The following MRTO4 variants were observed in gnomAD, a reference collection of about 807,000 sequenced individuals.
The protein encoded by MRTO4 is MRT4 homolog, ribosome maturation factor.
A neutral mutation model predicts 28.6 loss-of-function variants in MRTO4; 7 were observed. The ratio of observed to expected loss-of-function variants is 0.24; its 90% CI spans 0.14 to 0.46. MRTO4 has a LOEUF of 0.46. Ranked by LOEUF, MRTO4 falls within the 20% of genes least tolerant of loss-of-function variation. The probability of loss-of-function intolerance (pLI) is 0.99; values close to 1 mark genes in which losing one functional copy is unlikely to be tolerated. For synonymous variants in MRTO4, 113 were observed against 108.2 expected (o/e 1.04, Z -0.27); for missense variants, 302 against 298.3 (o/e 1.01, Z -0.09).
rs1014661290 is a variant in MRTO4 at position 19,255,845 on chromosome 1, A to G, written c.88-103A>G. On this transcript the variant is annotated intron_variant, in intron 2 of 7. Coordinates refer to ENST00000330263, the MANE Select transcript of MRTO4 (RefSeq NM_016183.4). ...GAGGCCTCCAGTTCTTCCAGTTTCC[A>G]TAGTTGTCAGGGGCCCAGAGCAGAT... 8.5e-6 allele frequency: 8 copies of G among 942,032 alleles called. No homozygotes were observed. The African/African-American group carries it at 9.8e-5, about 12-fold the overall frequency. The allele number at this position is 942,032 out of a possible 1,614,324, so 58.4% of individuals were successfully genotyped here. A position where few individuals can be genotyped will look rare whatever the true frequency, so the allele number is the denominator to read the frequency against.
intron 2 of MRTO4, among the ~76,000 whole-genome samples, chr1:19,255,403 TAAA>T (rs5772837): frequency 5.9e-4 from 86 of 146,464 alleles, no homozygotes; most frequent in Middle Eastern, 7.2e-3. Flanking sequence ...ACCCTGTCTT[TAAA>T]AAAAAAAAAA....
chr1:19,253,350 T>C (rs1007930807), intron 1 of MRTO4, among the ~76,000 whole-genome samples: 2 of 152,152 alleles, frequency 1.3e-5, no homozygotes, highest in Non-Finnish European at 2.9e-5. Context: ...ATGACGTGTT[T>C]GGGACAAGAG....
chr1:19,251,822 G>A lies in MRTO4; in HGVS notation c.-14G>A, dbSNP rs1222091269. On this transcript the variant is annotated 5_prime_UTR_variant, in exon 1 of 8. It adds an upstream start codon to the 5' untranslated region. Transcript: ENST00000330263. ...CGGGGTGCACCGTCTTCCGCCGCAC[G>A]TGGATTCAGCGCGATGCCCAAATCC... The A allele has an allele frequency of 1.3e-6, 2 of 1,574,086 alleles. No homozygotes were observed. Among genetic ancestry groups the A allele is most frequent in the Admixed American group, 1.8e-5 (1 of 54,098 alleles).
At chr1:19,252,099 C>T (rs919354760) in intron 1 of MRTO4, 10 of 576,536 alleles carry the variant, frequency 1.7e-5, no homozygotes, top group African/African-American at 5.8e-5. Context: ...TTCAGGTGCT[C>T]TTGCAAGGCC....
intron 2 of MRTO4, 101 bp from the exon 3 acceptor site, chr1:19,255,847 A>T: frequency 1.1e-6 from 1 of 952,092 alleles, no homozygotes; most frequent in Non-Finnish European, 1.6e-6. Context: ...CAGTTTCCAT[A>T]GTTGTCAGGG....
At chr1:19,258,344 A>G (rs1053005668) in intron 6 of MRTO4, 133 bp from the exon 7 acceptor site, 4 of 1,089,840 alleles carry the variant, frequency 3.7e-6, no homozygotes, top group Non-Finnish European at 4.1e-6. Context: ...TCAGGGAGAC[A>G]GCCACTGCCC....
Position 19,257,481 on chromosome 1 carries a change from G to T in MRTO4, c.301G>T (p.Gly101Cys), listed in dbSNP as rs1473466891. The change falls in exon 5 of 8, where the codon GGT (glycine) becomes TGT (cysteine). Residue 101 changes from glycine (G) to cysteine (C), a missense_variant. By Grantham distance (159) the Gly-to-Cys change is radical. Transcript: ENST00000330263. Reference sequence around the variant, plus strand: ...CAGCAAAAGGTTGAGGGGTGAGGTGGGTCTCCTGTTCACCAACCGCACAAA... The same window carrying T: ...CAGCAAAAGGTTGAGGGGTGAGGTGTGTCTCCTGTTCACCAACCGCACAAA... The part of the protein sequence containing the change: ...QVSKRLRGEV[G>C]LLFTNRTKEE... 1 of 1,614,234 alleles carries T rather than the reference G, an allele frequency of 6.2e-7. No individual in the cohort carries two copies. The highest frequency in any genetic ancestry group is 8.5e-7 in the Non-Finnish European group (1 of 1,180,042).
In MRTO4 at chr1:19,257,718, GC is replaced by G. The variant is rs1477878468; in HGVS notation, c.342-113del. On this transcript the variant is annotated intron_variant, in intron 5 of 7. Transcript: ENST00000330263. ...GCTCTGGGCTGGCTGCTGGCCAGCAGCCAAGGTCTGTGATGGGGGAAGGCCC... is the reference window on the plus strand; with the variant it reads ...GCTCTGGGCTGGCTGCTGGCCAGCAGCAAGGTCTGTGATGGGGGAAGGCCC... The G allele has an allele frequency of 4.1e-6, 6 of 1,458,958 alleles. No homozygotes were observed. The African/African-American group carries it at 8.4e-5, about 20-fold the overall frequency. The allele number at this position is 1,458,958 out of a possible 1,614,324, so 90.4% of individuals were successfully genotyped here. A position where few individuals can be genotyped will look rare whatever the true frequency, so the allele number is the denominator to read the frequency against.
chr1:19,256,841 G>A (rs566549443), intron 3 of MRTO4, among the ~76,000 whole-genome samples: 3 of 152,268 alleles, frequency 2.0e-5, no homozygotes, highest in Admixed American at 6.5e-5. Flanking sequence ...TGCTCGTGAT[G>A]GGCTGGGAGA....
chr1:19,253,208 G>A (rs2093666047), intron 1 of MRTO4, among the ~76,000 whole-genome samples: 1 of 152,208 alleles, frequency 6.6e-6, no homozygotes, highest in African/African-American at 2.4e-5. Flanking sequence ...CACTGATGAA[G>A]TGACAAATGA....
intron 1 of MRTO4, chr1:19,252,082 G>A (rs17551584): frequency 0.096 from 62,074 of 649,042 alleles, 3,223 homozygotes; most frequent in Non-Finnish European, 0.11. Flanking sequence ...GACTCGTTTT[G>A]CCTAGTTTCA....
In MRTO4 at chr1:19,257,044, C is replaced by T; in HGVS notation, c.192-20C>T. The T allele has an allele frequency of 2.5e-6, 4 of 1,612,348 alleles. No individual in the cohort carries two copies. The East Asian group carries it at 8.9e-5, about 36-fold the overall frequency. ...GGCAGGGCTCTTCCTTCACAGAATGCTCTTTCTCTTGCTTGGTAGGATGTT... is the reference window on the plus strand; with the variant it reads ...GGCAGGGCTCTTCCTTCACAGAATGTTCTTTCTCTTGCTTGGTAGGATGTT... On this transcript the variant is annotated intron_variant, in intron 3 of 7. Coordinates refer to ENST00000330263, the MANE Select transcript of MRTO4 (RefSeq NM_016183.4).
chr1:19,255,221 T>C (rs761306), intron 2 of MRTO4, among the ~76,000 whole-genome samples: 132,363 of 152,116 alleles, frequency 0.87, 57,782 homozygotes, highest in East Asian at 0.92. Context: ...AGGCCAGGAA[T>C]GGTGGGCCAC....
intron 1 of MRTO4, chr1:19,252,257 CCG>C: frequency 7.5e-6 from 2 of 267,396 alleles, no homozygotes; most frequent in Admixed American, 5.0e-5. Flanking sequence ...AGGTTTGTTC[CCG>C]TGTCTGGCGT....
At chr1:19,257,705 C>G (rs1006675483) in intron 5 of MRTO4, 128 bp from the exon 6 acceptor site, 4 of 1,404,904 alleles carry the variant, frequency 2.8e-6, no homozygotes, top group Non-Finnish European at 3.9e-6. Flanking sequence ...TCTGGGCTGG[C>G]TGCTGGCCAG....
intron 4 of MRTO4, 56 bp from the exon 5 acceptor site, chr1:19,257,398 C>T: frequency 6.3e-7 from 1 of 1,595,096 alleles, no homozygotes; most frequent in Non-Finnish European, 8.6e-7. Flanking sequence ...AAAAACGTGC[C>T]TAGTAGAGAA....
chr1:19,255,442 A>G (rs1196666014), intron 2 of MRTO4, among the ~76,000 whole-genome samples: 1 of 149,190 alleles, frequency 6.7e-6, no homozygotes, highest in African/African-American at 2.5e-5. Context: ...TACCAGGTGT[A>G]GGTGACTGCA....
Position 19,257,095 on chromosome 1 carries a change from G to A in MRTO4, c.223G>A (p.Val75Met), listed in dbSNP as rs1558122326. The A allele has an allele frequency of 3.7e-6, 6 of 1,614,082 alleles. No individual in the cohort carries two copies. The highest frequency in any genetic ancestry group is 1.7e-5 in the Admixed American group (1 of 60,004). ...CTTTGGCAAAAACAAGGTGATGATGGTGGCCTTGGGTCGGAGCCCATCTGA... is the reference window on the plus strand; with the variant it reads ...CTTTGGCAAAAACAAGGTGATGATGATGGCCTTGGGTCGGAGCCCATCTGA... Reference protein sequence around the residue: ...MFFGKNKVMMVALGRSPSDEY... With the variant: ...MFFGKNKVMMMALGRSPSDEY... The change falls in exon 4 of 8, where the codon GTG becomes ATG. Residue 75 changes from valine (V) to methionine (M), a missense_variant. Coordinates refer to ENST00000330263, the MANE Select transcript of MRTO4 (RefSeq NM_016183.4).
intron 1 of MRTO4, among the ~76,000 whole-genome samples, chr1:19,252,427 G>A (rs2093663297): frequency 6.6e-6 from 1 of 152,224 alleles, no homozygotes; most frequent in Admixed American, 6.5e-5. Context: ...GCCGGATGCG[G>A]TGGCTCACGC....
Sources: gnomAD v4.1 joint callset for allele counts (sites outside exome capture counted in the v4.1 genomes callset) on GRCh38, gnomAD v4.1.1 for gene constraint, MANE v1.5 for transcripts, NCBI Gene and HGNC (gene_info 2026-07-23, HGNC 2026-07-21) for gene names.